The following ADPRHL1 variants were observed in gnomAD, a reference collection of about 807,000 sequenced individuals.
ADPRHL1 encodes inactive ADP-ribosyltransferase ARH2.
A neutral mutation model predicts 44.1 loss-of-function variants in ADPRHL1; 43 were observed. The observed-to-expected ratio is 0.98, with a 90% CI of 0.76 to 1.26. The LOEUF (loss-of-function observed/expected upper bound fraction) is 1.26, where lower values mean the gene tolerates loss of function less well. Among genes scored for constraint, ADPRHL1 ranks in the 50% most tolerant of loss-of-function variants. The pLI, the probability that ADPRHL1 is intolerant of heterozygous loss-of-function variation, is 0.00. For missense variants in ADPRHL1, 2,022 were observed against 2,496.9 expected (o/e 0.81, Z 4.05); for synonymous variants, 878 against 1,017.4 (o/e 0.86, Z 2.61).
intron 7 of ADPRHL1, among the ~76,000 whole-genome samples, chr13:113,413,940 C>T (rs7998594): frequency 0.084 from 12,843 of 152,286 alleles, 623 homozygotes; most frequent in African/African-American, 0.1. Context: ...AGACTAGAGG[C>T]CATCACAGCG....
At chr13:113,447,818 C>A (rs564642473) in intron 1 of ADPRHL1, among the ~76,000 whole-genome samples, 1 of 152,152 alleles carries the variant, frequency 6.6e-6, no homozygotes, top group Admixed American at 6.5e-5. Context: ...GGTACAGCTG[C>A]GTGGCTTTGT....
At chr13:113,447,413 G>A (rs917533579) in intron 1 of ADPRHL1, among the ~76,000 whole-genome samples, 1 of 150,896 alleles carries the variant, frequency 6.6e-6, no homozygotes. Context: ...CTACATGCAC[G>A]GTGTTGTGTG....
Position 113,405,365 on chromosome 13 carries a change from C to A in ADPRHL1, c.3917G>T (p.Arg1306Leu), listed in dbSNP as rs573677872. 1.4e-5 allele frequency: 17 copies of A among 1,231,832 alleles called. No homozygotes were observed. The African/African-American group carries it at 2.6e-4, about 19-fold the overall frequency. 76.3% of individuals were successfully genotyped at this position (1,231,832 alleles called of 1,614,324 possible). Residue 1306 changes from arginine to leucine, a missense_variant, in exon 8 of 8, where the codon CGT (arginine) becomes CTT (leucine). Transcript: ENST00000612156. The stretch of plus-strand genomic sequence containing the variant: ...AAGCAGATGGTCAGGCTCCGCCCCA[C>A]GGGGAAACCTGACGCCCTCCCTGCC... ...AKGREGVRFP[R>L]GAEPDHLLPA...
intron 1 of ADPRHL1, among the ~76,000 whole-genome samples, chr13:113,445,662 C>T (rs1384476317): frequency 6.6e-6 from 1 of 152,164 alleles, no homozygotes. Flanking sequence ...AGGCTTGGCC[C>T]ACCCTCCATG....
rs1356809376 is a variant in ADPRHL1 at position 113,405,344 on chromosome 13, A to C, written c.3938T>G (p.Leu1313Arg). Residue 1313 changes from leucine to arginine, a missense_variant, in exon 8 of 8, where the codon CTG (leucine) becomes CGG (arginine). By Grantham distance (102) the Leu-to-Arg change is moderately radical. This residue lies in a region of ADPRHL1 where 1,221 missense variants were observed against 1,517.8 expected (regional missense o/e 0.80). Transcript: ENST00000612156. ...CTCCGCGGGAGGCACTGCGGGAAGC[A>C]GATGGTCAGGCTCCGCCCCACGGGG... ...RFPRGAEPDHLLPAVPPAEVD... is the reference protein window; with the variant it reads ...RFPRGAEPDHRLPAVPPAEVD... 8.1e-7 allele frequency: 1 copy of C among 1,231,650 alleles called. No individual in the cohort carries two copies. Among genetic ancestry groups the C allele is most frequent in the Non-Finnish European group, 1.0e-6 (1 of 988,048 alleles). The allele number at this position is 1,231,650 out of a possible 1,614,324, so 76.3% of individuals were successfully genotyped here.
intron 7 of ADPRHL1, among the ~76,000 whole-genome samples, chr13:113,415,807 GT>G (rs907716574): frequency 2.0e-5 from 3 of 146,990 alleles, no homozygotes; most frequent in African/African-American, 7.5e-5. Context: ...CTCCTTAGTA[GT>G]TTTTTTAAAA....
intron 2 of ADPRHL1, among the ~76,000 whole-genome samples, chr13:113,443,626 A>C (rs2044114296): frequency 1.3e-5 from 2 of 151,322 alleles, no homozygotes; most frequent in Non-Finnish European, 2.9e-5. Flanking sequence ...CTACAAAATA[A>C]ATAAATAAAT....
intron 1 of ADPRHL1, chr13:113,449,070 A>G: frequency 1.0e-6 from 1 of 987,410 alleles, no homozygotes; most frequent in South Asian, 4.6e-5. Flanking sequence ...AGGGCCATGG[A>G]TGCCACCTCT....
In ADPRHL1 at chr13:113,406,263, G is replaced by C. The variant is rs1385352449; in HGVS notation, c.3019C>G (p.Pro1007Ala). 1.7e-5 allele frequency: 21 copies of C among 1,231,966 alleles called. No homozygotes were observed. The highest frequency in any genetic ancestry group is 2.1e-5 in the Non-Finnish European group (21 of 987,986). The allele number at this position is 1,231,966 out of a possible 1,614,324, so 76.3% of individuals were successfully genotyped here. A position where few individuals can be genotyped will look rare whatever the true frequency, so the allele number is the denominator to read the frequency against. ...MQKKGSATND[P>A]AASQNLLRGN... is the part of the protein sequence containing the mutation. Reference sequence around the variant, plus strand: ...CTCAGAAGGTTTTGTGAGGCTGCAGGATCATTTGTTGCGGAGCCCTTCTTC... The same window carrying C: ...CTCAGAAGGTTTTGTGAGGCTGCAGCATCATTTGTTGCGGAGCCCTTCTTC... The change falls in exon 8 of 8, where the codon CCT becomes GCT. Residue 1007 changes from proline to alanine, a missense_variant. This residue lies in a region of ADPRHL1 where 1,221 missense variants were observed against 1,517.8 expected (regional missense o/e 0.80). Transcript: ENST00000612156.
In ADPRHL1 at chr13:113,426,338, G is replaced by A. The variant is rs151093513; in HGVS notation, c.647-1159C>T. 8.1e-3 allele frequency among the ~76,000 whole-genome samples: 1,237 copies of A among 152,348 alleles called. 6 individuals carry two copies. The highest frequency in any genetic ancestry group is 0.014 in the Middle Eastern group (4 of 294). On this transcript the variant is annotated intron_variant, in intron 4 of 7. Coordinates refer to ENST00000612156, the MANE Select transcript of ADPRHL1 (RefSeq NM_001394807.1). ...ACCCCACCTCCTGCTCCCTGGCACC[G>A]CGGGAGCCACAGAGGGTGGGAGCCG... is the stretch of plus-strand genomic sequence containing the variant.
rs2044190956 is a variant in ADPRHL1 at position 113,453,382 on chromosome 13, T to C, written c.56A>G (p.Tyr19Cys). Reference sequence around the variant, plus strand: ...GCTGTTCTCCTTGCAGACATTTCTGTAGCCAAGAGCATCGCCGACGCTCCC... The same window carrying C: ...GCTGTTCTCCTTGCAGACATTTCTGCAGCCAAGAGCATCGCCGACGCTCCC... ...LLGSVGDALGYRNVCKENSTV... is the reference protein window; with the variant it reads ...LLGSVGDALGCRNVCKENSTV... The change falls in exon 1 of 8, where the codon TAC (tyrosine) becomes TGC (cysteine). Residue 19 changes from tyrosine (Y) to cysteine (C), a missense_variant. Around this residue, in one of 8 missense-constraint regions of ADPRHL1, gnomAD observed 437 missense variants for 430.7 expected, o/e 1.01. Transcript: ENST00000612156. The surrounding 1 kb of genome is among the most constrained non-coding windows in gnomAD (Gnocchi z 5.4). 6.2e-7 allele frequency: 1 copy of C among 1,614,084 alleles called. No homozygotes were observed. The highest frequency in any genetic ancestry group is 1.7e-5 in the Admixed American group (1 of 60,006).
At position 113,412,338 on chromosome 13, in the gene ADPRHL1, C is replaced by T. The variant is rs547090578; in HGVS notation, c.1062-4118G>A. 4.0e-3 allele frequency among the ~76,000 whole-genome samples: 610 copies of T among 152,284 alleles called. 2 individuals are homozygous for T. Among genetic ancestry groups the T allele is most frequent in the African/African-American group, 0.013 (535 of 41,564 alleles). On this transcript the variant is annotated intron_variant, in intron 7 of 7. Transcript: ENST00000612156. ...GACTACAGGCGCCCGCCACCACGCC[C>T]GGCTAATTTTTTGTATTTTTTAGTA...
In ADPRHL1 at chr13:113,405,943, C is replaced by A; in HGVS notation, c.3339G>T (p.Ala1113=). The A allele has an allele frequency of 8.1e-7, 1 of 1,232,056 alleles. No homozygotes were observed. Among genetic ancestry groups the A allele is most frequent in the African/African-American group, 1.5e-5 (1 of 64,568 alleles). 76.3% of individuals were successfully genotyped at this position (1,232,056 alleles called of 1,614,324 possible). The part of the protein sequence containing the change: ...PPKPGMKACG[A]MAAAGSVASR... ...TCGCAACGCTCCCTGCAGCTGCCAT[C>A]GCCCCACAGGCTTTCATACCTGGTT... is the stretch of plus-strand genomic sequence containing the variant. Residue 1113 remains alanine (A), a synonymous_variant, in exon 8 of 8, where the codon GCG becomes GCT. Transcript: ENST00000612156.
At chr13:113,414,301 A>G (rs2043875923) in intron 7 of ADPRHL1, among the ~76,000 whole-genome samples, 1 of 152,194 alleles carries the variant, frequency 6.6e-6, no homozygotes, top group Non-Finnish European at 1.5e-5. Flanking sequence ...AACAGCGCTT[A>G]GAAAACATGT....
At chr13:113,417,299 G>A (rs1480883142) in intron 7 of ADPRHL1, among the ~76,000 whole-genome samples, 1 of 152,218 alleles carries the variant, frequency 6.6e-6, no homozygotes, top group Non-Finnish European at 1.5e-5. Context: ...TGTCTTGCCC[G>A]AGGGAGAGCC....
rs868559195 is a variant in ADPRHL1, at chr13:113,405,116, G to A, written c.4166C>T (p.Thr1389Ile). ...CTTCCCCGCATCCCCGGGCTGGGGG[G>A]TCTCCTCCTGTGCCTGGTGACTCTG... ...RQQSHQAQEETPQPGDAGKRV... is the reference protein window; with the variant it reads ...RQQSHQAQEEIPQPGDAGKRV... The change falls in exon 8 of 8, where the codon ACC becomes ATC. Residue 1389 changes from threonine (T) to isoleucine (I), a missense_variant. Physicochemically the swap from Thr to Ile is moderately conservative, Grantham distance 89 (BLOSUM62 -1). Around this residue, in one of 8 missense-constraint regions of ADPRHL1, gnomAD observed 1,221 missense variants for 1,517.8 expected, o/e 0.80. Transcript: ENST00000612156. 1.6e-6 allele frequency: 2 copies of A among 1,232,176 alleles called. No individual in the cohort carries two copies. The highest frequency in any genetic ancestry group is 2.0e-6 in the Non-Finnish European group (2 of 988,398). The allele number at this position is 1,232,176 out of a possible 1,614,324, so 76.3% of individuals were successfully genotyped here. A position where few individuals can be genotyped will look rare whatever the true frequency, so the allele number is the denominator to read the frequency against.
intron 7 of ADPRHL1, among the ~76,000 whole-genome samples, chr13:113,419,534 C>T (rs1053866879): frequency 8.6e-5 from 13 of 151,824 alleles, no homozygotes; most frequent in African/African-American, 3.1e-4. Context: ...AAAATGAATC[C>T]TAGAATGAAA....
Position 113,400,786 on chromosome 13 carries a change from G to A in ADPRHL1, c.*2592C>T, listed in dbSNP as rs975584002. ...GCTGCATCTGGCACATGGAGAGGAC[G>A]GGCCAGTCGAGCAGGTGGCCTCCTG... On this transcript the variant is annotated 3_prime_UTR_variant, in exon 8 of 8. Coordinates refer to ENST00000612156, the MANE Select transcript of ADPRHL1 (RefSeq NM_001394807.1). 6 of 152,234 alleles carry A rather than the reference G, an allele frequency of 3.9e-5. No homozygotes were observed. The highest frequency in any genetic ancestry group is 9.7e-5 in the African/African-American group (4 of 41,448). 9.4% of individuals were successfully genotyped at this position (152,234 alleles called of 1,614,324 possible). A position where few individuals can be genotyped will look rare whatever the true frequency, so the allele number is the denominator to read the frequency against.
intron 1 of ADPRHL1, among the ~76,000 whole-genome samples, chr13:113,445,360 C>T (rs969470893): frequency 1.3e-5 from 2 of 152,286 alleles, no homozygotes; most frequent in African/African-American, 4.8e-5. Flanking sequence ...GATTAAGTAA[C>T]CCGCAGTGTG....
Sources: gnomAD v4.1 joint callset for allele counts (sites outside exome capture counted in the v4.1 genomes callset) on GRCh38, gnomAD v4.1.1 for gene constraint, gnomAD v4.1.1 regional missense constraint, Gnocchi (gnomAD v3.1) non-coding constraint, MANE v1.5 for transcripts, NCBI Gene and HGNC (gene_info 2026-07-23, HGNC 2026-07-21) for gene names.